BLTP3B: variants seen among roughly 807,000 people sequenced by gnomAD.
BLTP3B encodes the protein UHRF1 (ICBP90) binding protein 1-like.
chr12:100,058,772 G>C, the BLTP3B span: 3 of 1,613,940 alleles, frequency 1.9e-6, no homozygotes, highest in Non-Finnish European at 2.5e-6. Flanking sequence ...CTGAAAGCAG[G>C]ATAAGTGACT....
the BLTP3B span, among the ~76,000 whole-genome samples, chr12:100,100,727 ATT>A: frequency 6.2e-4 from 90 of 144,796 alleles, no homozygotes; most frequent in African/African-American, 8.5e-4. Flanking sequence ...TTCACATTCT[ATT>A]TTTTTTTTTT....
the BLTP3B span, among the ~76,000 whole-genome samples, chr12:100,074,346 C>T: frequency 6.6e-6 from 1 of 152,152 alleles, no homozygotes; most frequent in Non-Finnish European, 1.5e-5. Flanking sequence ...CACCTGTAAT[C>T]CCAGCACGGT....
chr12:100,072,085 A>T, the BLTP3B span, among the ~76,000 whole-genome samples: 63 of 152,252 alleles, frequency 4.1e-4, 1 homozygote, highest in Admixed American at 4.1e-3. Flanking sequence ...ACATGGTGAA[A>T]CCCTGTCTCT....
chr12:100,086,331 GC>G, the BLTP3B span: 1 of 1,139,466 alleles, frequency 8.8e-7, no homozygotes, highest in Non-Finnish European at 1.2e-6. Flanking sequence ...GAGTTGCATT[GC>G]CCCTCCAGTA....
the BLTP3B span, among the ~76,000 whole-genome samples, chr12:100,104,204 CTTTTTTTT>C: frequency 1.8e-4 from 24 of 131,664 alleles, no homozygotes; most frequent in Non-Finnish European, 2.5e-4. Context: ...TTCTTTTTTT[CTTTTTTTT>C]TTTTTTTTTT....
At chr12:100,069,318 C>T in the BLTP3B span, among the ~76,000 whole-genome samples, 1 of 152,138 alleles carries the variant, frequency 6.6e-6, no homozygotes, top group Non-Finnish European at 1.5e-5. Flanking sequence ...AAGATACTTG[C>T]ACACACGTTT....
At chr12:100,079,432 C>A in the BLTP3B span, among the ~76,000 whole-genome samples, 1 of 152,148 alleles carries the variant, frequency 6.6e-6, no homozygotes, top group East Asian at 1.9e-4. Flanking sequence ...AGCAGACGGG[C>A]AGCATTTTGC....
At chr12:100,111,826 T>C in the BLTP3B span, among the ~76,000 whole-genome samples, 3 of 152,014 alleles carry the variant, frequency 2.0e-5, no homozygotes, top group Non-Finnish European at 2.9e-5. Context: ...GGCTGGTCTC[T>C]AACTCCCGAC....
chr12:100,129,534 G>A, the BLTP3B span, among the ~76,000 whole-genome samples: 1 of 152,150 alleles, frequency 6.6e-6, no homozygotes, highest in Non-Finnish European at 1.5e-5. Context: ...CATTGCCAGG[G>A]CGATTCTGCC....
chr12:100,043,835 C>T, the BLTP3B span, among the ~76,000 whole-genome samples: 1 of 152,220 alleles, frequency 6.6e-6, no homozygotes, highest in Non-Finnish European at 1.5e-5. Flanking sequence ...ATTATTCATG[C>T]TGTTGCCTCA....
chr12:100,094,024 CCT>C, the BLTP3B span, among the ~76,000 whole-genome samples: 1 of 152,074 alleles, frequency 6.6e-6, no homozygotes, highest in Non-Finnish European at 1.5e-5. Flanking sequence ...TTAATTAAAA[CCT>C]CTCTGTGTTT....
the BLTP3B span, among the ~76,000 whole-genome samples, chr12:100,090,361 C>A: frequency 6.6e-6 from 1 of 151,918 alleles, no homozygotes; most frequent in South Asian, 2.1e-4. Context: ...AAATATGAAC[C>A]TCTAATAGCC....
chr12:100,089,038 G>A, the BLTP3B span: 10 of 1,610,198 alleles, frequency 6.2e-6, no homozygotes, highest in Middle Eastern at 1.6e-4. Context: ...TTTACATCAG[G>A]AGCATTTGAA....
chr12:100,064,905 AAAAC>A, the BLTP3B span, among the ~76,000 whole-genome samples: 2 of 152,076 alleles, frequency 1.3e-5, no homozygotes, highest in African/African-American at 4.8e-5. Flanking sequence ...TTAAAAAAAA[AAAAC>A]AAGGTATACA....
the BLTP3B span, among the ~76,000 whole-genome samples, chr12:100,056,172 A>G: frequency 6.6e-6 from 1 of 152,216 alleles, no homozygotes; most frequent in Non-Finnish European, 1.5e-5. Flanking sequence ...AAGGATGATC[A>G]GCCCATGAGA....
chr12:100,127,724 G>A, the BLTP3B span, among the ~76,000 whole-genome samples: 2 of 152,144 alleles, frequency 1.3e-5, no homozygotes, highest in Admixed American at 6.5e-5. Flanking sequence ...CTTCAAAAAT[G>A]AATCCTGGCA....
At chr12:100,050,448 G>T in the BLTP3B span, 1 of 756,480 alleles carries the variant, frequency 1.3e-6, no homozygotes, top group Non-Finnish European at 1.9e-6. Context: ...GTATACTTGT[G>T]ACCTACAGAA....
chr12:100,059,240 T>C, the BLTP3B span: 1,648 of 1,613,914 alleles, frequency 1.0e-3, 2 homozygotes, highest in Non-Finnish European at 1.3e-3. Flanking sequence ...TTTTATTCAA[T>C]TGGGGAGTAA....
the BLTP3B span, among the ~76,000 whole-genome samples, chr12:100,116,662 G>A: frequency 6.6e-6 from 1 of 152,062 alleles, no homozygotes; most frequent in Non-Finnish European, 1.5e-5. Context: ...GACTAAAATT[G>A]CTTTTCCCCT....
Sources: gnomAD v4.1 joint callset for allele counts (sites outside exome capture counted in the v4.1 genomes callset) on GRCh38, gnomAD v4.1.1 for gene constraint, MANE v1.5 for transcripts, NCBI Gene and HGNC (gene_info 2026-07-23, HGNC 2026-07-21) for gene names.